EOGT: variants seen among roughly 807,000 people sequenced by gnomAD.
The protein encoded by EOGT is EGF domain specific O-linked N-acetylglucosamine transferase.
Under a neutral mutation model 70.5 loss-of-function variants are expected in EOGT, and 55 were observed. That is an observed-to-expected ratio of 0.78 (90% CI 0.63 to 0.98). The LOEUF is 0.98. EOGT is among the 50% of genes least tolerant of loss of function. EOGT has a pLI of 0.00. For synonymous variants in EOGT, 246 were observed against 217.1 expected (o/e 1.13, Z -1.17); for missense variants, 703 against 641.9 (o/e 1.10, Z -1.03).
intron 10 of EOGT, among the ~76,000 whole-genome samples, chr3:68,994,974 C>T (rs1297903674): frequency 6.6e-6 from 1 of 152,172 alleles, no homozygotes; most frequent in Middle Eastern, 3.2e-3. Flanking sequence ...CCTTGCCCAT[C>T]CCACTGAAGA....
At position 69,009,560 on chromosome 3, in the gene EOGT, C is replaced by T. The variant is rs76237094; in HGVS notation, c.210+77G>A. ...AAAATTAGAATTCTGCCTTCAGTTT[C>T]AGGTTATAAAGCAGAACCTGTAAGC... On this transcript the variant is annotated intron_variant, in intron 4 of 17. Transcript: ENST00000383701. The T allele has an allele frequency of 3.4e-5, 38 of 1,120,356 alleles. No individual in the cohort carries two copies. In the African/African-American group the frequency reaches 4.5e-4, roughly 13 times the overall value. The allele number at this position is 1,120,356 out of a possible 1,614,324, so 69.4% of individuals were successfully genotyped here.
chr3:69,006,510 G>A (rs151085659), intron 6 of EOGT, among the ~76,000 whole-genome samples: 2 of 152,174 alleles, frequency 1.3e-5, no homozygotes, highest in Non-Finnish European at 2.9e-5. Context: ...TACCTTAATC[G>A]TAAGTGCTTA....
At chr3:69,003,804 A>C (rs913890391) in intron 8 of EOGT, among the ~76,000 whole-genome samples, 1 of 152,198 alleles carries the variant, frequency 6.6e-6, no homozygotes, top group Admixed American at 6.5e-5. Context: ...TAAAAGTTAC[A>C]TGGGTGGGTT....
chr3:68,992,053 T>G (rs1192935317), intron 10 of EOGT, among the ~76,000 whole-genome samples: 4 of 152,162 alleles, frequency 2.6e-5, no homozygotes, highest in African/African-American at 7.2e-5. Flanking sequence ...TTCTGGGAGA[T>G]GCAATTCAAG....
rs1327151681 is a variant in EOGT, at chr3:68,976,786, G to C, written c.*832C>G. On this transcript the variant is annotated 3_prime_UTR_variant, in exon 18 of 18. Transcript: ENST00000383701. ...ATCATAAACAAGTTGGAACACTCTG[G>C]AATTACAGTCATATGATATTCTACA... 6.6e-6 allele frequency: 1 copy of C among 151,174 alleles called. No individual in the cohort carries two copies. Among genetic ancestry groups the C allele is most frequent in the African/African-American group, 2.5e-5 (1 of 40,148 alleles). The allele number at this position is 151,174 out of a possible 1,614,324, so 9.4% of individuals were successfully genotyped here.
At chr3:69,005,361 C>T in intron 6 of EOGT, 127 bp from the exon 7 acceptor site, 1 of 532,244 alleles carries the variant, frequency 1.9e-6, no homozygotes, top group Non-Finnish European at 3.3e-6. Flanking sequence ...ACAAGGAAAG[C>T]TCTCCAAAGA....
Position 69,004,380 on chromosome 3 carries a change from T to C in EOGT, c.618A>G (p.Ser206=), listed in dbSNP as rs373952598. ...CAGATACGTTAAAAATATCTTACCATGACTGCAGAGGGCTTTTGCGCTGAC... is the reference window on the plus strand; with the variant it reads ...CAGATACGTTAAAAATATCTTACCACGACTGCAGAGGGCTTTTGCGCTGAC... ...SEGQRKSPLQ[S]WFAELQSYTQ... is the part of the protein sequence containing the mutation. The change falls in exon 8 of 18, where the codon TCA becomes TCG. Residue 206 remains serine, a splice_region_variant and synonymous_variant. Transcript: ENST00000383701. 1.9e-6 allele frequency: 3 copies of C among 1,610,660 alleles called. No homozygotes were observed. Among genetic ancestry groups the C allele is most frequent in the African/African-American group, 1.3e-5 (1 of 74,928 alleles).
chr3:69,006,260 C>G (rs6769958), intron 6 of EOGT, among the ~76,000 whole-genome samples: 68,423 of 152,006 alleles, frequency 0.45, 15,922 homozygotes, highest in Non-Finnish European at 0.51. Context: ...CAGAACAGAA[C>G]TCTGTTAAAG....
chr3:69,009,633 C>T lies in EOGT; in HGVS notation c.210+4G>A, dbSNP rs1352373527. 2 of 1,605,506 alleles carry T rather than the reference C, an allele frequency of 1.2e-6. No individual in the cohort carries two copies. Among genetic ancestry groups the T allele is most frequent in the Non-Finnish European group, 8.5e-7 (1 of 1,172,608 alleles). ...AAAATAAGGAGAAAAGAAATAATAC[C>T]TACCTTATATGGACAAAGAGAGTCT... On this transcript the variant is annotated splice_donor_region_variant and intron_variant, in intron 4 of 17. Transcript: ENST00000383701.
At position 68,977,362 on chromosome 3, in the gene EOGT, T is replaced by C. The variant is rs1457952485; in HGVS notation, c.*256A>G. On this transcript the variant is annotated 3_prime_UTR_variant, in exon 18 of 18. Coordinates refer to ENST00000383701, the MANE Select transcript of EOGT (RefSeq NM_001278689.2). ...AGAAAGAAAGAAAGTTAAAGTATAC[T>C]GGGGAGTCCATGCTTAATTTTTGAA... 8.0e-6 allele frequency: 3 copies of C among 377,246 alleles called. No individual in the cohort carries two copies. The highest frequency in any genetic ancestry group is 1.4e-5 in the Non-Finnish European group (3 of 212,646). 23.4% of individuals were successfully genotyped at this position (377,246 alleles called of 1,614,324 possible).
At chr3:68,982,208 C>G (rs62256139) in intron 15 of EOGT, among the ~76,000 whole-genome samples, 45,653 of 152,048 alleles carry the variant, frequency 0.3, 7,314 homozygotes, top group East Asian at 0.47. Flanking sequence ...CGTGGCCAGT[C>G]TGCCAATTTT....
chr3:68,991,415 T>A (rs571225562), intron 10 of EOGT, among the ~76,000 whole-genome samples: 1 of 152,350 alleles, frequency 6.6e-6, no homozygotes, highest in South Asian at 2.1e-4. Flanking sequence ...AGGACATATG[T>A]GTTTATGGTC....
In EOGT at chr3:68,998,037, C is replaced by A; in HGVS notation, c.805G>T (p.Asp269Tyr). 6.3e-7 allele frequency: 1 copy of A among 1,590,370 alleles called. No homozygotes were observed. Among genetic ancestry groups the A allele is most frequent in the Non-Finnish European group, 8.6e-7 (1 of 1,166,376 alleles). The change falls in exon 10 of 18, where the codon GAC becomes TAC. Residue 269 changes from aspartate to tyrosine, a missense_variant. Asp to Tyr is a radical substitution (Grantham distance 160, BLOSUM62 -3). Coordinates refer to ENST00000383701, the MANE Select transcript of EOGT (RefSeq NM_001278689.2). The stretch of plus-strand genomic sequence containing the variant: ...GTGTCCCACATCACGATGTACACGT[C>A]AGTACTGAATGAGTTATTAACGTGC... The part of the protein sequence containing the change: ...TQHVNNSFST[D>Y]VYIVMWDTSS...
In EOGT at chr3:68,988,951, G is replaced by A; in HGVS notation, c.898C>T (p.His300Tyr). 6.5e-7 allele frequency: 1 copy of A among 1,529,272 alleles called. No homozygotes were observed. The allele number at this position is 1,529,272 out of a possible 1,614,324, so 94.7% of individuals were successfully genotyped here. Residue 300 changes from histidine to tyrosine, a missense_variant, in exon 11 of 18, where the codon CAT becomes TAT. His to Tyr is a moderately conservative substitution (Grantham distance 83). Coordinates refer to ENST00000383701, the MANE Select transcript of EOGT (RefSeq NM_001278689.2). ...CTTTTGGAATCATAAGTTTTCAAATGTATAACGTCATAATCAGTAAATGCA... is the reference window on the plus strand; with the variant it reads ...CTTTTGGAATCATAAGTTTTCAAATATATAACGTCATAATCAGTAAATGCA... Reference protein sequence around the residue: ...WNAFTDYDVIHLKTYDSKRVC... With the variant: ...WNAFTDYDVIYLKTYDSKRVC...
chr3:68,984,039 T>C (rs1306269825), intron 14 of EOGT, among the ~76,000 whole-genome samples: 1 of 152,196 alleles, frequency 6.6e-6, no homozygotes, highest in Non-Finnish European at 1.5e-5. Context: ...TTAGACAAGA[T>C]AGGCTCAGAG....
In EOGT at chr3:68,977,711, A is replaced by G. The variant is rs531299546; in HGVS notation, c.1491T>C (p.Asp497=). 5.0e-6 allele frequency: 8 copies of G among 1,613,924 alleles called. No individual in the cohort carries two copies. The highest frequency in any genetic ancestry group is 2.2e-5 in the East Asian group (1 of 44,854). ...EHPKFTNYSF[D]VEEFMYLVLQ... is the part of the protein sequence containing the mutation. Reference sequence around the variant, plus strand: ...GGACAAGATACATAAATTCTTCTACATCGAAAGAGTAGTTGGTGAACTTCG... The same window carrying G: ...GGACAAGATACATAAATTCTTCTACGTCGAAAGAGTAGTTGGTGAACTTCG... The change falls in exon 18 of 18, where the codon GAT becomes GAC. Residue 497 remains aspartate (D), a synonymous_variant. Coordinates refer to ENST00000383701, the MANE Select transcript of EOGT (RefSeq NM_001278689.2).
chr3:68,986,574 T>A (rs1052205524), intron 14 of EOGT, among the ~76,000 whole-genome samples: 1 of 152,184 alleles, frequency 6.6e-6, no homozygotes, highest in East Asian at 1.9e-4. Flanking sequence ...TAGAATACAT[T>A]TGACTCTGCC....
In EOGT at chr3:68,996,551, C is replaced by T. The variant is rs559393660; in HGVS notation, c.831+1460G>A. ...AACCAGGCATGTCTCTTTCAGGGAT[C>T]CTGGGGACTTTGCCAACACAGCTGT... On this transcript the variant is annotated intron_variant, in intron 10 of 17. Coordinates refer to ENST00000383701, the MANE Select transcript of EOGT (RefSeq NM_001278689.2). Among the ~76,000 whole-genome samples the T allele has an allele frequency of 9.8e-5, 15 of 152,300 alleles. No individual in the cohort carries two copies. The East Asian group carries it at 2.5e-3, about 26-fold the overall frequency.
chr3:68,988,796 T>C (rs2090893462), intron 11 of EOGT, 129 bp downstream of exon 11: 2 of 652,526 alleles, frequency 3.1e-6, no homozygotes, highest in Non-Finnish European at 5.0e-6. Flanking sequence ...ATTCTAATTA[T>C]AAAAGAAATT....
Sources: gnomAD v4.1 joint callset for allele counts (sites outside exome capture counted in the v4.1 genomes callset) on GRCh38, gnomAD v4.1.1 for gene constraint, MANE v1.5 for transcripts, NCBI Gene and HGNC (gene_info 2026-07-23, HGNC 2026-07-21) for gene names.